The following SLC9B1 variants were observed in gnomAD, a reference collection of about 807,000 sequenced individuals.
The protein encoded by SLC9B1 is sodium/hydrogen exchanger 9B1.
A neutral mutation model predicts 51.7 loss-of-function variants in SLC9B1; 32 were observed. That is an observed-to-expected ratio of 0.62 (90% CI 0.47 to 0.83). The LOEUF is 0.83. Among genes scored for constraint, SLC9B1 ranks in the 40% least tolerant of loss-of-function variants. The pLI is 0.00. For missense variants in SLC9B1, 406 were observed against 613.2 expected, an observed-to-expected ratio of 0.66 and a Z score of 3.57; for synonymous variants, 145 against 212.7, an observed-to-expected ratio of 0.68 and a Z score of 2.77.
Position 102,932,059 on chromosome 4 carries a change from C to A in SLC9B1, c.829+65G>T. 2.7e-6 allele frequency: 4 copies of A among 1,485,208 alleles called. No individual in the cohort carries two copies. The South Asian group carries it at 4.6e-5, about 17-fold the overall frequency. 92.0% of individuals were successfully genotyped at this position (1,485,208 alleles called of 1,614,324 possible). On this transcript the variant is annotated intron_variant, in intron 7 of 11. Coordinates refer to ENST00000296422, the MANE Select transcript of SLC9B1 (RefSeq NM_139173.4). The stretch of plus-strand genomic sequence containing the variant: ...TAAATGAAGAAGCAAAGCCAGAAAC[C>A]CTGTTTAAAGAAGTAACAAAAAAGG...
intron 6 of SLC9B1, among the ~76,000 whole-genome samples, chr4:102,941,217 G>A (rs1736978462): frequency 6.6e-6 from 1 of 152,068 alleles, no homozygotes; most frequent in South Asian, 2.1e-4. Context: ...ACCACCTATG[G>A]AATGGGAGAA....
intron 3 of SLC9B1, among the ~76,000 whole-genome samples, chr4:102,968,327 T>C (rs967386514): frequency 9.8e-5 from 15 of 152,326 alleles, no homozygotes; most frequent in African/African-American, 3.6e-4. Flanking sequence ...CCTTAGGTCA[T>C]ATGCAAAAAT....
intron 11 of SLC9B1, among the ~76,000 whole-genome samples, chr4:102,893,118 A>C (rs532676210): frequency 3.3e-5 from 5 of 151,860 alleles, no homozygotes; most frequent in African/African-American, 1.2e-4. Context: ...ACTCGTCTCT[A>C]CAAAAATATA....
At chr4:103,014,746 C>T (rs1490676279) in intron 1 of SLC9B1, 1 of 152,176 alleles carries the variant, frequency 6.6e-6, no homozygotes, top group African/African-American at 2.4e-5. Flanking sequence ...TTCTACCCAG[C>T]AACTTTTTCT....
downstream of SLC9B1, chr4:102,897,829 T>A (rs1338222825): frequency 2.4e-6 from 1 of 418,766 alleles, no homozygotes; most frequent in East Asian, 6.3e-5. Context: ...TTGCCGCTAC[T>A]GCTACTACAG....
Position 102,911,496 on chromosome 4 carries a change from A to G in SLC9B1, c.871T>C (p.Cys291Arg). The G allele has an allele frequency of 6.3e-7, 1 of 1,597,032 alleles. No homozygotes were observed. Among genetic ancestry groups the G allele is most frequent in the Non-Finnish European group, 8.5e-7 (1 of 1,179,496 alleles). Reference sequence around the variant, plus strand: ...ACAATTCCTGCCAGCAGACTAATACATACGTTCCTTATAGAGGCTATGGCG... The same window carrying G: ...ACAATTCCTGCCAGCAGACTAATACGTACGTTCCTTATAGAGGCTATGGCG... ...NNAIASIRNV[C>R]ISLLAGIVLG... The change falls in exon 8 of 12, where the codon TGT becomes CGT. Residue 291 changes from cysteine (C) to arginine (R), a missense_variant. Transcript: ENST00000296422.
chr4:103,008,861 G>A (rs1202967911), intron 1 of SLC9B1, among the ~76,000 whole-genome samples: 1 of 146,268 alleles, frequency 6.8e-6, no homozygotes, highest in African/African-American at 2.5e-5. Flanking sequence ...GTGCAGTGGC[G>A]CAATCTCGAC....
chr4:103,003,211 G>A (rs1416488857), intron 1 of SLC9B1, among the ~76,000 whole-genome samples: 2 of 151,994 alleles, frequency 1.3e-5, no homozygotes, highest in Non-Finnish European at 2.9e-5. Context: ...TCTAATAAAG[G>A]AAAGACCACA....
chr4:102,888,250 T>G (rs1734040937), intron 11 of SLC9B1: 1 of 152,218 alleles, frequency 6.6e-6, no homozygotes, highest in Non-Finnish European at 1.5e-5. Context: ...TTTTCTCTTT[T>G]TAACACTATA....
chr4:103,007,591 C>CTTTTTTTTTT (rs58447131), intron 1 of SLC9B1, among the ~76,000 whole-genome samples: 8 of 107,716 alleles, frequency 7.4e-5, no homozygotes, highest in African/African-American at 3.1e-4. Context: ...CTCTTGTCAT[C>CTTTTTTTTTT]TTTTTTTTTT....
At chr4:102,979,744 T>C (rs1739257891) in intron 3 of SLC9B1, among the ~76,000 whole-genome samples, 1 of 152,096 alleles carries the variant, frequency 6.6e-6, no homozygotes, top group South Asian at 2.1e-4. Context: ...TTAGAGCAGT[T>C]TTAGGCTCAC....
At chr4:103,009,089 C>A (rs1740960812) in intron 1 of SLC9B1, among the ~76,000 whole-genome samples, 1 of 152,282 alleles carries the variant, frequency 6.6e-6, no homozygotes, top group Middle Eastern at 3.4e-3. Context: ...TGAGCCACTG[C>A]GCCTGGCCAG....
At chr4:102,894,179 G>A (rs537654620) in intron 11 of SLC9B1, among the ~76,000 whole-genome samples, 75 of 152,302 alleles carry the variant, frequency 4.9e-4, no homozygotes, top group African/African-American at 1.7e-3. Flanking sequence ...TCCTAATGAA[G>A]ATTCTTGAGT....
chr4:102,970,394 C>T (rs1395258653), intron 3 of SLC9B1, among the ~76,000 whole-genome samples: 4 of 152,266 alleles, frequency 2.6e-5, no homozygotes, highest in African/African-American at 9.6e-5. Flanking sequence ...AACTAAGCTT[C>T]ATAAGTGAAG....
At chr4:103,009,091 C>G (rs757050380) in intron 1 of SLC9B1, among the ~76,000 whole-genome samples, 1 of 152,192 alleles carries the variant, frequency 6.6e-6, no homozygotes, top group Non-Finnish European at 1.5e-5. Context: ...AGCCACTGCG[C>G]CTGGCCAGGC....
At position 102,903,108 on chromosome 4, in the gene SLC9B1, A is replaced by C. The variant is rs544685569; in HGVS notation, c.1333-1776T>G. Among the ~76,000 whole-genome samples, 758 of 149,858 alleles carry C rather than the reference A, an allele frequency of 5.1e-3. 4 individuals carry two copies. The highest frequency in any genetic ancestry group is 0.017 in the African/African-American group (714 of 40,900). ...TATTCTTTGTGTAGAAGCTAGCCTG[A>C]AGCCAGCAGACAGGAATAGGCAGAA... On this transcript the variant is annotated intron_variant, in intron 11 of 11. Transcript: ENST00000296422.
rs752774697 is a variant in SLC9B1, at chr4:102,904,062, CT to C, written c.1332+1451del. On this transcript the variant is annotated intron_variant, in intron 11 of 11. Coordinates refer to ENST00000296422, the MANE Select transcript of SLC9B1 (RefSeq NM_139173.4). ...ATCAATGTGTCTCTATTTTACTTTACTTTTTTTTTTTTTGGAGACAGGGTCT... is the reference window on the plus strand; with the variant it reads ...ATCAATGTGTCTCTATTTTACTTTACTTTTTTTTTTTTGGAGACAGGGTCT... 2.4e-3 allele frequency among the ~76,000 whole-genome samples: 354 copies of C among 144,500 alleles called. 2 individuals are homozygous for C. Among genetic ancestry groups the C allele is most frequent in the South Asian group, 0.012 (57 of 4,592 alleles). The allele number at this position is 144,500 out of a possible 152,430, so 94.8% of individuals were successfully genotyped here.
At chr4:102,913,862 T>C (rs779136204) in intron 7 of SLC9B1, among the ~76,000 whole-genome samples, 3 of 148,544 alleles carry the variant, frequency 2.0e-5, no homozygotes, top group Non-Finnish European at 3.0e-5. Flanking sequence ...AACAGCTCAA[T>C]TGAAAAATTC....
In SLC9B1 at chr4:102,916,895, A is replaced by C. The variant is rs1012089576; in HGVS notation, c.830-5358T>G. Among the ~76,000 whole-genome samples, 6 of 152,232 alleles carry C rather than the reference A, an allele frequency of 3.9e-5. No homozygotes were observed. The East Asian group carries it at 1.2e-3, about 29-fold the overall frequency. ...TGAGGGATGCTTAGATGCCTGATGAAGCACTGAGTGAGGGTATATCTGTGA... is the reference window on the plus strand; with the variant it reads ...TGAGGGATGCTTAGATGCCTGATGACGCACTGAGTGAGGGTATATCTGTGA... On this transcript the variant is annotated intron_variant, in intron 7 of 11. Transcript: ENST00000296422.
Sources: allele counts gnomAD v4.1 joint callset (sites outside exome capture counted in the v4.1 genomes callset), GRCh38; gene constraint gnomAD v4.1.1; transcripts MANE v1.5; gene names NCBI Gene and HGNC (gene_info 2026-07-23, HGNC 2026-07-21).